ROBO1: variants seen among roughly 807,000 people sequenced by gnomAD.
The protein encoded by ROBO1 is roundabout guidance receptor 1.
Under a neutral mutation model 195.9 loss-of-function variants are expected in ROBO1, and 149 were observed. The observed-to-expected ratio is 0.76, with a 90% CI of 0.67 to 0.87. The LOEUF (loss-of-function observed/expected upper bound fraction) is 0.87, where lower values mean the gene tolerates loss of function less well. Among genes scored for constraint, ROBO1 ranks in the 40% least tolerant of loss-of-function variants. The pLI is 0.00. For synonymous variants in ROBO1, 816 were observed against 733.2 expected (o/e 1.11, Z -1.82); for missense variants, 1,933 against 2,068.3 (o/e 0.93, Z 1.27).
At chr3:79,370,370 G>T (rs1577031948) in intron 2 of ROBO1, among the ~76,000 whole-genome samples, 1 of 151,008 alleles carries the variant, frequency 6.6e-6, no homozygotes, top group Non-Finnish European at 1.5e-5. Flanking sequence ...AAAAAAAAAA[G>T]TTCCTTTAAA....
chr3:79,233,130 T>TA (rs773834204), intron 2 of ROBO1, among the ~76,000 whole-genome samples: 137 of 151,244 alleles, frequency 9.1e-4, no homozygotes, highest in Non-Finnish European at 1.4e-3. Context: ...TTTCTTATAA[T>TA]AAAAAAAGAA....
intron 5 of ROBO1, among the ~76,000 whole-genome samples, chr3:78,725,478 A>C (rs1227359923): frequency 1.3e-5 from 2 of 152,138 alleles, no homozygotes; most frequent in Non-Finnish European, 2.9e-5. Flanking sequence ...ACTAGAAATG[A>C]CTACTTTTTT....
At chr3:79,661,537 T>C (rs1257822585) in intron 1 of ROBO1, among the ~76,000 whole-genome samples, 1 of 152,082 alleles carries the variant, frequency 6.6e-6, no homozygotes, top group Non-Finnish European at 1.5e-5. Context: ...CTTCCTTTTT[T>C]TTCTATCGTC....
chr3:79,461,605 C>A (rs984415089), intron 2 of ROBO1, among the ~76,000 whole-genome samples: 24 of 152,120 alleles, frequency 1.6e-4, no homozygotes, highest in Non-Finnish European at 2.2e-4. Flanking sequence ...AGAAGAATCA[C>A]CCAGGCATGT....
chr3:79,011,782 T>A (rs2077785454), intron 3 of ROBO1, among the ~76,000 whole-genome samples: 1 of 152,008 alleles, frequency 6.6e-6, no homozygotes, highest in Non-Finnish European at 1.5e-5. Flanking sequence ...ATATGAATAC[T>A]ATCTTGTTAT....
chr3:79,104,407 C>G (rs970530612), intron 3 of ROBO1, among the ~76,000 whole-genome samples: 1 of 151,666 alleles, frequency 6.6e-6, no homozygotes, highest in East Asian at 1.9e-4. Context: ...AATAATTACT[C>G]GCTGATAAAT....
chr3:79,164,615 T>C (rs1403665801), intron 2 of ROBO1, among the ~76,000 whole-genome samples: 2 of 152,164 alleles, frequency 1.3e-5, no homozygotes, highest in African/African-American at 4.8e-5. Flanking sequence ...ATAACATCCT[T>C]AATCATTTCA....
At chr3:78,790,507 T>C (rs1227355883) in intron 4 of ROBO1, among the ~76,000 whole-genome samples, 1 of 152,190 alleles carries the variant, frequency 6.6e-6, no homozygotes, top group Non-Finnish European at 1.5e-5. Flanking sequence ...GAACGTACAA[T>C]TGAATTATTA....
chr3:79,557,809 T>A (rs1302537327), intron 2 of ROBO1, among the ~76,000 whole-genome samples: 1 of 149,434 alleles, frequency 6.7e-6, no homozygotes, highest in Non-Finnish European at 1.5e-5. Context: ...CCCATTACAC[T>A]TATAAATGTA....
chr3:78,819,297 GTTTATC>G (rs2030576109), intron 4 of ROBO1, among the ~76,000 whole-genome samples: 1 of 151,870 alleles, frequency 6.6e-6, no homozygotes, highest in Non-Finnish European at 1.5e-5. Context: ...TCTGACTCTT[GTTTATC>G]TTTAATTACC....
At chr3:79,076,802 T>C (rs1338111552) in intron 3 of ROBO1, among the ~76,000 whole-genome samples, 1 of 151,556 alleles carries the variant, frequency 6.6e-6, no homozygotes, top group Non-Finnish European at 1.5e-5. Flanking sequence ...CAAGCAGAGG[T>C]TGGAGGCCTT....
chr3:78,920,539 T>C (rs1225035850), intron 4 of ROBO1, among the ~76,000 whole-genome samples: 1 of 151,546 alleles, frequency 6.6e-6, no homozygotes, highest in African/African-American at 2.4e-5. Context: ...ACTCCTGATC[T>C]GATGATCCGC....
chr3:79,125,809 G>A (rs920880197), intron 2 of ROBO1, among the ~76,000 whole-genome samples: 12 of 152,174 alleles, frequency 7.9e-5, no homozygotes, highest in South Asian at 2.1e-4. Context: ...CAAAGCTGGC[G>A]AAGGGCTCCG....
chr3:79,191,160 G>A (rs991531135), intron 2 of ROBO1, among the ~76,000 whole-genome samples: 1 of 151,456 alleles, frequency 6.6e-6, no homozygotes, highest in Non-Finnish European at 1.5e-5. Flanking sequence ...TATCTTTACT[G>A]AAGATTTATT....
At chr3:79,598,126 G>A (rs1944234216) in intron 1 of ROBO1, among the ~76,000 whole-genome samples, 1 of 152,006 alleles carries the variant, frequency 6.6e-6, no homozygotes, top group African/African-American at 2.4e-5. Flanking sequence ...CACAAATGTG[G>A]TAATTTGAGA....
intron 3 of ROBO1, among the ~76,000 whole-genome samples, chr3:78,956,374 C>A (rs960738022): frequency 1.3e-5 from 2 of 151,974 alleles, no homozygotes. Context: ...ATGCATTTAT[C>A]ATTTTGTATT....
At chr3:78,807,513 T>A (rs1244572339) in intron 4 of ROBO1, among the ~76,000 whole-genome samples, 1 of 152,188 alleles carries the variant, frequency 6.6e-6, no homozygotes, top group Admixed American at 6.5e-5. Flanking sequence ...GAATCTAAAA[T>A]GCCATTAACT....
chr3:78,718,804 A>AAGGGAGGG (rs1438295042), intron 5 of ROBO1, among the ~76,000 whole-genome samples: 3,816 of 75,846 alleles, frequency 0.05, 177 homozygotes, highest in African/African-American at 0.12. Flanking sequence ...GGAAGGAAGG[A>AAGGGAGGG]AGGGAGGGAG....
chr3:79,342,348 C>G (rs904164476), intron 2 of ROBO1, among the ~76,000 whole-genome samples: 1 of 151,912 alleles, frequency 6.6e-6, no homozygotes, highest in African/African-American at 2.4e-5. Context: ...TTATTGTAAC[C>G]CCTGTGTGAA....
Sources: allele counts gnomAD v4.1 joint callset (sites outside exome capture counted in the v4.1 genomes callset), GRCh38; gene constraint gnomAD v4.1.1; transcripts MANE v1.5; gene names NCBI Gene and HGNC (gene_info 2026-07-23, HGNC 2026-07-21).